DTNBP1: variants seen among roughly 807,000 people sequenced by gnomAD.
DTNBP1 encodes the protein dystrobrevin binding protein 1.
Under a neutral mutation model 42.8 loss-of-function variants are expected in DTNBP1, and 35 were observed. That is an observed-to-expected ratio of 0.82 (90% CI 0.63 to 1.09). The LOEUF (loss-of-function observed/expected upper bound fraction) is 1.09, where lower values mean the gene tolerates loss of function less well. Ranked by LOEUF, DTNBP1 falls within the 50% of genes least tolerant of loss-of-function variation. DTNBP1 has a pLI of 0.00. For missense variants in DTNBP1, 457 were observed against 424.2 expected (o/e 1.08, Z -0.68); for synonymous variants, 171 against 162.2 (o/e 1.05, Z -0.41).
chr6:15,583,229 T>C (rs772775303), intron 7 of DTNBP1, among the ~76,000 whole-genome samples: 45 of 152,202 alleles, frequency 3.0e-4, no homozygotes, highest in South Asian at 8.3e-4. Context: ...GCGATCCTCC[T>C]GCCTCGGCCT....
chr6:15,612,155 C>T (rs1303050878), intron 6 of DTNBP1, among the ~76,000 whole-genome samples: 4 of 152,188 alleles, frequency 2.6e-5, no homozygotes, highest in Admixed American at 2.0e-4. Flanking sequence ...TCAGCAACCA[C>T]CACCTGATAA....
intron 7 of DTNBP1, among the ~76,000 whole-genome samples, chr6:15,548,741 T>C (rs185302954): frequency 4.1e-4 from 63 of 151,932 alleles, no homozygotes; most frequent in African/African-American, 1.4e-3. Context: ...AATTTTGACA[T>C]AGAGGAAAAA....
intron 6 of DTNBP1, among the ~76,000 whole-genome samples, chr6:15,614,403 C>T (rs1561992269): frequency 6.6e-6 from 1 of 152,092 alleles, no homozygotes. Context: ...ACCAAATCTG[C>T]TCTTGGGCCA....
At chr6:15,592,957 TA>T in intron 7 of DTNBP1, 101 bp downstream of exon 7, 2 of 1,213,688 alleles carry the variant, frequency 1.6e-6, no homozygotes, top group Non-Finnish European at 2.3e-6. Flanking sequence ...CTGTTTTATG[TA>T]AACTGATTTT....
rs185260346 is a variant in DTNBP1, at chr6:15,633,858, T to C, written c.222+3886A>G. On this transcript the variant is annotated intron_variant, in intron 4 of 9. Transcript: ENST00000344537. ...TATGATTCACTGAAGGCTCAGGCAA[T>C]TGTCAGCATTTTTTAAGCAATACAG... Among the ~76,000 whole-genome samples the C allele has an allele frequency of 2.0e-3, 303 of 152,316 alleles. 3 individuals are homozygous for C. The highest frequency in any genetic ancestry group is 3.4e-3 in the Non-Finnish European group (233 of 68,032).
chr6:15,660,391 A>G (rs1180298687), intron 1 of DTNBP1: 1 of 1,289,856 alleles, frequency 7.8e-7, no homozygotes, highest in East Asian at 5.5e-5. Context: ...ACCTGAAGAA[A>G]GTGAACATCA....
chr6:15,605,089 A>T (rs1757966587), intron 6 of DTNBP1, among the ~76,000 whole-genome samples: 1 of 152,214 alleles, frequency 6.6e-6, no homozygotes. Flanking sequence ...TTTTGGAGAA[A>T]TTCTGATGGT....
At chr6:15,533,503 G>A (rs998441607) in intron 7 of DTNBP1, 108 bp from the exon 8 acceptor site, 75 of 1,566,156 alleles carry the variant, frequency 4.8e-5, no homozygotes, top group Non-Finnish European at 6.1e-5. Context: ...GTCATGCCGC[G>A]TTTACAGACT....
intron 8 of DTNBP1, among the ~76,000 whole-genome samples, chr6:15,529,271 A>G (rs552273804): frequency 6.6e-6 from 1 of 152,318 alleles, no homozygotes; most frequent in African/African-American, 2.4e-5. Context: ...GGTGACAGTG[A>G]GACTCCATCC....
At chr6:15,579,194 C>T (rs1775714472) in intron 7 of DTNBP1, among the ~76,000 whole-genome samples, 1 of 152,098 alleles carries the variant, frequency 6.6e-6, no homozygotes, top group Non-Finnish European at 1.5e-5. Context: ...TATGTATACA[C>T]AATGGAGTAT....
rs540048645 is a variant in DTNBP1, at chr6:15,530,470, C to A, written c.667+2770G>T. On this transcript the variant is annotated intron_variant, in intron 8 of 9. Transcript: ENST00000344537. ...ACTTAATCTTTGAGATACTCAAAAC[C>A]ACAAAAATTTAACCACTTCATATTT... is the stretch of plus-strand genomic sequence containing the variant. 2.0e-5 allele frequency among the ~76,000 whole-genome samples: 3 copies of A among 152,326 alleles called. No individual in the cohort carries two copies. The East Asian group carries it at 5.8e-4, about 29-fold the overall frequency.
chr6:15,657,559 TA>T (rs1178252952), intron 1 of DTNBP1, among the ~76,000 whole-genome samples: 1 of 152,200 alleles, frequency 6.6e-6, no homozygotes, highest in South Asian at 2.1e-4. Context: ...CCTCTCAAGT[TA>T]TTCTTCCAGA....
chr6:15,601,495 A>G (rs1408124430), intron 6 of DTNBP1, among the ~76,000 whole-genome samples: 4 of 152,196 alleles, frequency 2.6e-5, no homozygotes, highest in African/African-American at 4.8e-5. Flanking sequence ...ATCTACCTGA[A>G]TTAATCCTTA....
chr6:15,607,549 G>C (rs566491785), intron 6 of DTNBP1, among the ~76,000 whole-genome samples: 1 of 152,156 alleles, frequency 6.6e-6, no homozygotes, highest in South Asian at 2.1e-4. Flanking sequence ...TGATCTGCCC[G>C]CCTCAGCCTC....
At chr6:15,590,052 C>G (rs754401747) in intron 7 of DTNBP1, among the ~76,000 whole-genome samples, 8 of 152,154 alleles carry the variant, frequency 5.3e-5, no homozygotes, top group Non-Finnish European at 1.2e-4. Flanking sequence ...CATGCCCCAG[C>G]CTCCCAAGTA....
chr6:15,524,076 A>G (rs968842782), intron 9 of DTNBP1: 134 of 1,312,698 alleles, frequency 1.0e-4, no homozygotes, highest in Non-Finnish European at 1.3e-4. Context: ...AACTAAGTTT[A>G]CAACACAGGC....
intron 7 of DTNBP1, among the ~76,000 whole-genome samples, chr6:15,549,433 C>G (rs553527223): frequency 6.8e-6 from 1 of 146,958 alleles, no homozygotes; most frequent in Non-Finnish European, 1.5e-5. Flanking sequence ...TGCAGTGAGC[C>G]GAGACCGCGC....
intron 8 of DTNBP1, among the ~76,000 whole-genome samples, chr6:15,525,979 G>C (rs1300294077): frequency 6.6e-6 from 1 of 152,096 alleles, no homozygotes; most frequent in African/African-American, 2.4e-5. Context: ...AAAAGACAAA[G>C]GCTCTCTAAA....
intron 4 of DTNBP1, 81 bp downstream of exon 4, chr6:15,637,663 A>G (rs1760108122): frequency 3.9e-5 from 57 of 1,454,682 alleles, no homozygotes; most frequent in Non-Finnish European, 5.4e-5. Context: ...ACAAACAATT[A>G]TAAATTCAAT....
Sources: gnomAD v4.1 joint callset for allele counts (sites outside exome capture counted in the v4.1 genomes callset) on GRCh38, gnomAD v4.1.1 for gene constraint, MANE v1.5 for transcripts, NCBI Gene and HGNC (gene_info 2026-07-23, HGNC 2026-07-21) for gene names.